Variants in SEM1 observed in about 807,000 individuals in gnomAD.
The protein encoded by SEM1 is 26S proteasome complex subunit SEM1.
Under a neutral mutation model 12.7 loss-of-function variants are expected in SEM1, and 3 were observed. The ratio of observed to expected loss-of-function variants is 0.24; its 90% CI spans 0.11 to 0.61. The LOEUF (loss-of-function observed/expected upper bound fraction) is 0.61. SEM1 is among the 20% of genes least tolerant of loss of function. The pLI is 0.88. For missense variants in SEM1, 59 were observed against 81.3 expected, an observed-to-expected ratio of 0.73 and a Z score of 1.06; for synonymous variants, 30 against 27.8, an observed-to-expected ratio of 1.08 and a Z score of -0.25.
At chr7:96,498,254 C>T (rs1341284086), upstream of SEM1, among the ~76,000 whole-genome samples, 1 of 152,084 alleles carries the variant, frequency 6.6e-6, no homozygotes, top group African/African-American at 2.4e-5. Flanking sequence ...GCAATGTTTG[C>T]AATAAAATAT....
intron 2 of SEM1, among the ~76,000 whole-genome samples, chr7:96,668,126 AGAAAT>A (rs892805808): frequency 4.6e-5 from 7 of 152,112 alleles, no homozygotes; most frequent in Non-Finnish European, 8.8e-5. Flanking sequence ...CATTGAGAAA[AGAAAT>A]GAAATTGTAG....
upstream of SEM1, among the ~76,000 whole-genome samples, chr7:96,498,043 G>A (rs6465508): frequency 0.72 from 109,328 of 152,000 alleles, 39,800 homozygotes; most frequent in East Asian, 0.87. Context: ...TTTAAACGTG[G>A]CAAGGTGCCA....
chr7:96,497,006 TATACACAC>T (rs1483459187), upstream of SEM1, among the ~76,000 whole-genome samples: 5 of 95,822 alleles, frequency 5.2e-5, no homozygotes, highest in African/African-American at 1.1e-4. Context: ...CACGAGCACG[TATACACAC>T]ACACACACAC....
At chr7:96,581,812 C>T (rs1297793845) in intron 2 of SEM1, among the ~76,000 whole-genome samples, 1 of 151,162 alleles carries the variant, frequency 6.6e-6, no homozygotes, top group Non-Finnish European at 1.5e-5. Flanking sequence ...GATTTTTGTA[C>T]ATTGATTTTG....
intron 2 of SEM1, among the ~76,000 whole-genome samples, chr7:96,580,064 A>C (rs1428478557): frequency 6.7e-6 from 1 of 149,550 alleles, no homozygotes; most frequent in East Asian, 2.0e-4. Context: ...GGTGCGCTGC[A>C]CCCACTAACT....
intron 2 of SEM1, among the ~76,000 whole-genome samples, chr7:96,559,418 A>G (rs1414302405): frequency 6.6e-6 from 1 of 151,958 alleles, no homozygotes; most frequent in East Asian, 1.9e-4. Flanking sequence ...GGTAGCTGGG[A>G]ATACAGGCAT....
intron 1 of SEM1, among the ~76,000 whole-genome samples, chr7:96,703,620 T>C (rs1790339979): frequency 6.6e-6 from 1 of 151,266 alleles, no homozygotes; most frequent in African/African-American, 2.4e-5. Flanking sequence ...ACCCTAAAGC[T>C]ATAAGGTTAT....
intron 3 of SEM1, among the ~76,000 whole-genome samples, chr7:96,502,104 C>T (rs1444666914): frequency 6.6e-6 from 1 of 152,044 alleles, no homozygotes; most frequent in African/African-American, 2.4e-5. Context: ...GTACATGTGC[C>T]ATATTTTCTT....
intron 2 of SEM1, among the ~76,000 whole-genome samples, chr7:96,563,153 A>G (rs1410573329): frequency 6.6e-6 from 1 of 152,124 alleles, no homozygotes; most frequent in Non-Finnish European, 1.5e-5. Flanking sequence ...ACAAGAGGTG[A>G]CATGCAAAAG....
chr7:96,576,682 C>G (rs761193352), intron 2 of SEM1, among the ~76,000 whole-genome samples: 5 of 152,112 alleles, frequency 3.3e-5, no homozygotes, highest in Non-Finnish European at 7.4e-5. Flanking sequence ...TCAATTCCAT[C>G]ATTCAATTTA....
At chr7:96,601,136 A>C (rs1442540862) in intron 2 of SEM1, among the ~76,000 whole-genome samples, 1 of 152,118 alleles carries the variant, frequency 6.6e-6, no homozygotes, top group African/African-American at 2.4e-5. Flanking sequence ...TGTTTGTTTA[A>C]ATAATTCCCA....
chr7:96,664,508 C>A (rs756857273), intron 2 of SEM1, among the ~76,000 whole-genome samples: 1 of 152,172 alleles, frequency 6.6e-6, no homozygotes, highest in African/African-American at 2.4e-5. Context: ...TCTTTGGCCT[C>A]CATCTTCTGC....
chr7:96,627,846 T>C (rs1301741538), intron 2 of SEM1, among the ~76,000 whole-genome samples: 1 of 152,100 alleles, frequency 6.6e-6, no homozygotes, highest in African/African-American at 2.4e-5. Flanking sequence ...GGAAGATCTG[T>C]CCAATGCTGA....
chr7:96,486,796 G>A (rs922405423), intron 1 of SEM1, among the ~76,000 whole-genome samples: 1 of 152,194 alleles, frequency 6.6e-6, no homozygotes, highest in Non-Finnish European at 1.5e-5. Flanking sequence ...GTGTGTAGTT[G>A]CAGAAAGAGT....
At chr7:96,528,820 A>G (rs1804548893) in intron 2 of SEM1, among the ~76,000 whole-genome samples, 1 of 152,060 alleles carries the variant, frequency 6.6e-6, no homozygotes, top group South Asian at 2.1e-4. Flanking sequence ...GAAGAGAGAG[A>G]TGTCTTCTCA....
intron 2 of SEM1, chr7:96,506,800 T>A (rs2117284568): frequency 6.6e-6 from 1 of 152,184 alleles, no homozygotes; most frequent in African/African-American, 2.4e-5. Flanking sequence ...TCAAGAACAA[T>A]GTTGAGTACA....
intron 1 of SEM1, among the ~76,000 whole-genome samples, chr7:96,706,570 C>CAAAAAAA (rs67892273): frequency 1.7e-3 from 134 of 78,058 alleles, no homozygotes; most frequent in African/African-American, 4.0e-3. Context: ...CTCAAACAAA[C>CAAAAAAA]AAAAAAAAAA....
At chr7:96,697,233 C>T (rs186178295) in intron 1 of SEM1, 2 of 151,478 alleles carry the variant, frequency 1.3e-5, no homozygotes, top group East Asian at 3.9e-4. Flanking sequence ...GTAACAGATG[C>T]CTAATACATA....
downstream of SEM1, among the ~76,000 whole-genome samples, chr7:96,686,625 A>G (rs779851978): frequency 6.6e-6 from 1 of 152,206 alleles, no homozygotes; most frequent in African/African-American, 2.4e-5. Flanking sequence ...CTTACCTTAT[A>G]CAAAAATTAA....
Sources: gnomAD v4.1 joint callset for allele counts (sites outside exome capture counted in the v4.1 genomes callset) on GRCh38, gnomAD v4.1.1 for gene constraint, MANE v1.5 for transcripts, NCBI Gene and HGNC (gene_info 2026-07-23, HGNC 2026-07-21) for gene names.